The following F11 variants were observed in gnomAD, a reference collection of about 807,000 sequenced individuals.
The protein encoded by F11 is coagualtion factor XI.
F11 carries 78 observed loss-of-function variants against 76.5 expected under a neutral mutation model. The ratio of observed to expected loss-of-function variants is 1.02; its 90% CI spans 0.85 to 1.23. The LOEUF (loss-of-function observed/expected upper bound fraction) is 1.23, where lower values mean the gene tolerates loss of function less well. Among genes scored for constraint, F11 ranks in the 50% most tolerant of loss-of-function variants. The pLI, the probability that F11 is intolerant of heterozygous loss-of-function variation, is 0.00. For missense variants in F11, 742 were observed against 771.4 expected, an observed-to-expected ratio of 0.96 and a Z score of 0.45; for synonymous variants, 278 against 276.3, an observed-to-expected ratio of 1.01 and a Z score of -0.06.
rs751437478 is a variant in F11 at position 186,271,670 on chromosome 4, C to T, written c.117C>T (p.Phe39=). Reference sequence around the variant, plus strand: ...AAGGAGGGGACATTACTACGGTCTTCACACCAAGCGCCAAGTACTGCCAGG... The same window carrying T: ...AAGGAGGGGACATTACTACGGTCTTTACACCAAGCGCCAAGTACTGCCAGG... The part of the protein sequence containing the change: ...CFEGGDITTV[F]TPSAKYCQVV... The change falls in exon 3 of 15, where the codon TTC becomes TTT. Residue 39 remains phenylalanine (F), a synonymous_variant. Transcript: ENST00000403665. 15 of 1,614,074 alleles carry T rather than the reference C, an allele frequency of 9.3e-6. No individual in the cohort carries two copies. Among genetic ancestry groups the T allele is most frequent in the Middle Eastern group, 1.6e-4 (1 of 6,084 alleles).
At chr4:186,271,842 A>T in intron 3 of F11, 71 bp downstream of exon 3, 2 of 1,503,132 alleles carry the variant, frequency 1.3e-6, no homozygotes, top group Admixed American at 1.7e-5. Context: ...ACACATTTCC[A>T]TCTAACATTT....
In F11 at chr4:186,276,222, G is replaced by T; in HGVS notation, c.596-9G>T. 6.2e-7 allele frequency: 1 copy of T among 1,614,042 alleles called. No individual in the cohort carries two copies. Among genetic ancestry groups the T allele is most frequent in the African/African-American group, 1.3e-5 (1 of 74,998 alleles). ...ATTGAGTCCCTGACATAGTTCTTCC[G>T]TCGCGCAGCTTGTATTAGGGACATT... On this transcript the variant is annotated splice_polypyrimidine_tract_variant and intron_variant, in intron 6 of 14. Transcript: ENST00000403665.
intron 13 of F11, 97 bp from the exon 14 acceptor site, chr4:186,287,587 T>TAAAA (rs143389832): frequency 2.2e-5 from 10 of 453,596 alleles, no homozygotes; most frequent in South Asian, 5.5e-5. Context: ...CCGTCTCAAT[T>TAAAA]AAAAATATAT....
At chr4:186,288,261 G>A (rs2126790249) in intron 14 of F11, among the ~76,000 whole-genome samples, 192 bp from the exon 15 acceptor site, 1 of 152,296 alleles carries the variant, frequency 6.6e-6, no homozygotes, top group Middle Eastern at 3.4e-3. Context: ...AGGGAACACA[G>A]TGTATTTGTT....
chr4:186,275,276 A>G, intron 5 of F11: 1 of 439,136 alleles, frequency 2.3e-6, no homozygotes, highest in Non-Finnish European at 4.6e-6. Flanking sequence ...AGATCACCTG[A>G]GGTCAGGAGT....
intron 6 of F11, 72 bp downstream of exon 6, chr4:186,275,968 G>T: frequency 8.0e-7 from 1 of 1,254,020 alleles, no homozygotes; most frequent in Non-Finnish European, 1.1e-6. Context: ...TCTCACTCAG[G>T]ATACCAGCTT....
At chr4:186,268,165 C>T (rs1177825033) in intron 2 of F11, among the ~76,000 whole-genome samples, 1 of 152,158 alleles carries the variant, frequency 6.6e-6, no homozygotes, top group Non-Finnish European at 1.5e-5. Flanking sequence ...CTGCACTCAA[C>T]ATGTGCAGAG....
chr4:186,280,303 G>A lies in F11; in HGVS notation c.946G>A (p.Ala316Thr). 1 of 1,614,132 alleles carries A rather than the reference G, an allele frequency of 6.2e-7. No individual in the cohort carries two copies. Among genetic ancestry groups the A allele is most frequent in the Non-Finnish European group, 8.5e-7 (1 of 1,180,034 alleles). The change falls in exon 9 of 15, where the codon GCC (alanine) becomes ACC (threonine). Residue 316 changes from alanine to threonine, a missense_variant. Transcript: ENST00000403665. Reference protein sequence around the residue: ...LDIVAAKSHEACQKLCTNAVR... With the variant: ...LDIVAAKSHETCQKLCTNAVR... The stretch of plus-strand genomic sequence containing the variant: ...TATTGTTGCTGCAAAAAGTCACGAG[G>A]CCTGCCAGAAACTGTGCACCAATGC...
intron 14 of F11, 43 bp from the exon 15 acceptor site, chr4:186,288,410 C>CT: frequency 6.2e-7 from 1 of 1,613,522 alleles, no homozygotes; most frequent in Non-Finnish European, 8.5e-7. Context: ...TGGGAAGCGT[C>CT]TGAGTTGATC....
intron 3 of F11, among the ~76,000 whole-genome samples, chr4:186,272,347 G>A (rs926345175): frequency 2.0e-5 from 3 of 151,960 alleles, no homozygotes; most frequent in Admixed American, 6.6e-5. Context: ...AAAGACATAC[G>A]AAATTTAACA....
At chr4:186,290,070 T>G (rs553329792), downstream of F11, among the ~76,000 whole-genome samples, 25 of 151,870 alleles carry the variant, frequency 1.6e-4, no homozygotes, top group African/African-American at 6.1e-4. Context: ...CCTGGCTTCA[T>G]GAAGATTATA....
intron 10 of F11, chr4:186,281,945 C>A: frequency 1.6e-6 from 2 of 1,279,672 alleles, no homozygotes; most frequent in African/African-American, 1.5e-5. Context: ...AGCTTAGAGG[C>A]GCTCCGATGA....
At chr4:186,285,236 T>C (rs1741098672) in intron 11 of F11, among the ~76,000 whole-genome samples, 1 of 152,160 alleles carries the variant, frequency 6.6e-6, no homozygotes, top group South Asian at 2.1e-4. Context: ...TCCCGTTACC[T>C]GTCACATATG....
intron 7 of F11, among the ~76,000 whole-genome samples, chr4:186,279,662 A>T (rs1740639283): frequency 1.3e-5 from 2 of 152,188 alleles, no homozygotes; most frequent in Admixed American, 1.3e-4. Context: ...GCAACCCTGG[A>T]TAGGAGGTTT....
rs1484800739 is a variant in F11 at position 186,287,811 on chromosome 4, G to A, written c.1704G>A (p.Lys568=). ...MICAGYREGG[K]DACKGDSGGP... ...GTGCCGGCTACAGGGAAGGAGGGAA[G>A]GACGCTTGCAAGGTAACAGAGTGTT... The change falls in exon 14 of 15, where the codon AAG becomes AAA. Residue 568 remains lysine, a synonymous_variant. Transcript: ENST00000403665. The A allele has an allele frequency of 2.5e-6, 4 of 1,612,596 alleles. No homozygotes were observed. The highest frequency in any genetic ancestry group is 3.4e-6 in the Non-Finnish European group (4 of 1,179,198).
chr4:186,275,885 T>C lies in F11; in HGVS notation c.584T>C (p.Leu195Pro). 2 of 1,610,544 alleles carry C rather than the reference T, an allele frequency of 1.2e-6. No homozygotes were observed. Among genetic ancestry groups the C allele is most frequent in the Non-Finnish European group, 1.7e-6 (2 of 1,177,442 alleles). Residue 195 changes from leucine (L) to proline (P), a missense_variant, in exon 6 of 15, where the codon CTT becomes CCT. Transcript: ENST00000403665. ...VSGFSLKSCA[L>P]SNLACIRDIF... ...GGATTTTCACTGAAATCCTGTGCAC[T>C]TTCTAATCTGGGTAATTATCGACTT...
intron 11 of F11, among the ~76,000 whole-genome samples, chr4:186,284,977 G>C (rs1224097536): frequency 3.3e-5 from 5 of 152,056 alleles, no homozygotes; most frequent in Non-Finnish European, 7.4e-5. Context: ...TACAGAACGA[G>C]TTCGGTATGC....
intron 7 of F11, among the ~76,000 whole-genome samples, chr4:186,279,382 C>CAA (rs35203561): frequency 5.6e-5 from 8 of 143,274 alleles, no homozygotes; most frequent in African/African-American, 1.8e-4. Flanking sequence ...GACTATGTCT[C>CAA]AAAAAAAAAA....
intron 11 of F11, among the ~76,000 whole-genome samples, chr4:186,284,809 A>G (rs1013409213): frequency 2.6e-5 from 4 of 152,078 alleles, no homozygotes; most frequent in African/African-American, 9.7e-5. Flanking sequence ...CTAGCCTGGC[A>G]TGGTGTTTTG....
Sources: gnomAD v4.1 joint callset for allele counts (sites outside exome capture counted in the v4.1 genomes callset) on GRCh38, gnomAD v4.1.1 for gene constraint, MANE v1.5 for transcripts, NCBI Gene and HGNC (gene_info 2026-07-23, HGNC 2026-07-21) for gene names.